The following ATF2 variants were observed in gnomAD, a reference collection of about 807,000 sequenced individuals.
ATF2 encodes the protein cyclic AMP-dependent transcription factor ATF-2.
Under a neutral mutation model 60.6 loss-of-function variants are expected in ATF2, and 24 were observed. The ratio of observed to expected loss-of-function variants is 0.40; its 90% CI spans 0.29 to 0.56. The LOEUF (loss-of-function observed/expected upper bound fraction) is 0.56, where lower values mean the gene tolerates loss of function less well. Ranked by LOEUF, ATF2 falls within the 20% of genes least tolerant of loss-of-function variation. ATF2 has a pLI of 0.54. For missense variants in ATF2, 433 were observed against 607.7 expected (o/e 0.71, Z 3.02); for synonymous variants, 206 against 215.4 (o/e 0.96, Z 0.38).
At chr2:175,137,232 G>A (rs1574458091) in intron 2 of ATF2, among the ~76,000 whole-genome samples, 1 of 152,180 alleles carries the variant, frequency 6.6e-6, no homozygotes, top group South Asian at 2.1e-4. Flanking sequence ...TGGAGTAAAG[G>A]TGGATCTGGT....
chr2:175,122,784 C>A (rs1236415701), intron 4 of ATF2, among the ~76,000 whole-genome samples: 1 of 151,802 alleles, frequency 6.6e-6, no homozygotes, highest in Non-Finnish European at 1.5e-5. Context: ...GTTAAGTACT[C>A]AATAAATGCT....
At chr2:175,118,226 T>G in intron 6 of ATF2, 25 bp downstream of exon 6, 19 of 1,594,528 alleles carry the variant, frequency 1.2e-5, no homozygotes, top group Non-Finnish European at 1.5e-5. Context: ...AAGTACTCTT[T>G]TTAAATTTCA....
At chr2:175,163,673 G>GT (rs1194604888) in intron 1 of ATF2, among the ~76,000 whole-genome samples, 1 of 134,344 alleles carries the variant, frequency 7.4e-6, no homozygotes, top group Non-Finnish European at 1.6e-5. Context: ...ATGCTGGGTG[G>GT]TGGCTCATGC....
chr2:175,165,658 C>T (rs1700302968), intron 1 of ATF2, among the ~76,000 whole-genome samples: 1 of 152,202 alleles, frequency 6.6e-6, no homozygotes, highest in Admixed American at 6.5e-5. Context: ...TGTTAAAATG[C>T]TGACAACCAT....
chr2:175,136,012 TTTG>T (rs1459414795), intron 3 of ATF2, among the ~76,000 whole-genome samples: 1 of 143,434 alleles, frequency 7.0e-6, no homozygotes, highest in Non-Finnish European at 1.5e-5. Flanking sequence ...TCTTTCTTTC[TTTG>T]TTTTTTTTTT....
intron 11 of ATF2, among the ~76,000 whole-genome samples, chr2:175,097,043 G>A (rs929844223): frequency 2.0e-5 from 3 of 152,026 alleles, no homozygotes; most frequent in Admixed American, 6.5e-5. Flanking sequence ...TCACTATAAG[G>A]TTCTAATATT....
At chr2:175,152,337 G>C (rs11894840) in intron 1 of ATF2, among the ~76,000 whole-genome samples, 14,780 of 152,174 alleles carry the variant, frequency 0.097, 803 homozygotes, top group Middle Eastern at 0.17. Context: ...GACAACATAA[G>C]AGCAAAGAAA....
chr2:175,129,753 C>T (rs1235040791), intron 4 of ATF2, among the ~76,000 whole-genome samples: 1 of 151,968 alleles, frequency 6.6e-6, no homozygotes, highest in Admixed American at 6.5e-5. Flanking sequence ...AAGTAAATAC[C>T]AGTTAATTTC....
intron 3 of ATF2, among the ~76,000 whole-genome samples, chr2:175,131,837 C>T (rs953627732): frequency 1.3e-5 from 2 of 152,112 alleles, no homozygotes; most frequent in African/African-American, 4.8e-5. Context: ...TGTTTATGTA[C>T]TATCAATACT....
chr2:175,091,508 A>T (rs1225834189), intron 12 of ATF2, among the ~76,000 whole-genome samples: 3 of 146,376 alleles, frequency 2.0e-5, no homozygotes, highest in East Asian at 1.9e-4. Flanking sequence ...CTGTACTATT[A>T]AAAAAAAAGA....
chr2:175,083,882 A>G (rs1693947686), intron 12 of ATF2, among the ~76,000 whole-genome samples: 1 of 152,240 alleles, frequency 6.6e-6, no homozygotes, highest in Non-Finnish European at 1.5e-5. Flanking sequence ...CAGCCAAAAG[A>G]CACATGAAAA....
chr2:175,135,684 AC>A (rs1422798822), intron 3 of ATF2, among the ~76,000 whole-genome samples: 1 of 152,134 alleles, frequency 6.6e-6, no homozygotes, highest in Non-Finnish European at 1.5e-5. Flanking sequence ...CAAATTAAGG[AC>A]CTTTTTGGAT....
intron 10 of ATF2, among the ~76,000 whole-genome samples, chr2:175,103,576 T>C (rs185285847): frequency 2.0e-5 from 3 of 152,128 alleles, no homozygotes; most frequent in East Asian, 1.9e-4. Context: ...TTCTGAACAT[T>C]TGCCAAGATG....
At chr2:175,151,796 G>C (rs1699332711) in intron 1 of ATF2, among the ~76,000 whole-genome samples, 1 of 152,116 alleles carries the variant, frequency 6.6e-6, no homozygotes, top group Admixed American at 6.5e-5. Context: ...CTGGAACCAA[G>C]GGTCCTTATA....
Position 175,115,414 on chromosome 2 carries a change from A to G in ATF2, c.448-546T>C, listed in dbSNP as rs192454160. 3.3e-5 allele frequency among the ~76,000 whole-genome samples: 5 copies of G among 152,312 alleles called. No homozygotes were observed. In the South Asian group the frequency reaches 1.0e-3, roughly 32 times the overall value. On this transcript the variant is annotated intron_variant, in intron 7 of 13. Transcript: ENST00000264110. ...CATATCAAAAGGCCACGTAATACTGATATCTTGAATGTAAAATAAATAATT... is the reference window on the plus strand; with the variant it reads ...CATATCAAAAGGCCACGTAATACTGGTATCTTGAATGTAAAATAAATAATT...
Position 175,130,200 on chromosome 2 carries a change from T to C in ATF2, c.40A>G (p.Lys14Glu). 2 of 1,581,852 alleles carry C rather than the reference T, an allele frequency of 1.3e-6. No individual in the cohort carries two copies. Among genetic ancestry groups the C allele is most frequent in the East Asian group, 2.3e-5 (1 of 44,026 alleles). Residue 14 changes from lysine (K) to glutamate (E), a missense_variant, in exon 4 of 14, where the codon AAG (lysine) becomes GAG (glutamate). This residue lies in a region of ATF2 where 20 missense variants were observed against 16.9 expected (regional missense o/e 1.19). Transcript: ENST00000264110. ...KLHVNSARQY[K>E]DLWNMSDDKP... ...TCATCACTCATATTCCACAGGTCCT[T>C]GTATTGCCTATAATCAAACAGAAGA...
chr2:175,136,025 T>TAA (rs1698124142), intron 3 of ATF2, among the ~76,000 whole-genome samples: 1 of 150,352 alleles, frequency 6.7e-6, no homozygotes, highest in Non-Finnish European at 1.5e-5. Context: ...GTTTTTTTTT[T>TAA]TTTTTTTTGG....
intron 10 of ATF2, among the ~76,000 whole-genome samples, chr2:175,105,497 G>A (rs569064782): frequency 3.9e-5 from 6 of 152,254 alleles, no homozygotes; most frequent in East Asian, 3.9e-4. Context: ...TTAAGATCAT[G>A]TCTATTGAAT....
chr2:175,109,636 C>T (rs1012635742), intron 10 of ATF2, among the ~76,000 whole-genome samples: 1 of 152,110 alleles, frequency 6.6e-6, no homozygotes, highest in Non-Finnish European at 1.5e-5. Context: ...GAAAAAAGTC[C>T]AATGAATATG....
Sources: gnomAD v4.1 joint callset for allele counts (sites outside exome capture counted in the v4.1 genomes callset) on GRCh38, gnomAD v4.1.1 for gene constraint, gnomAD v4.1.1 regional missense constraint, MANE v1.5 for transcripts, NCBI Gene and HGNC (gene_info 2026-07-23, HGNC 2026-07-21) for gene names.